EXPH5: variants seen among roughly 807,000 people sequenced by gnomAD.
The protein encoded by EXPH5 is exophilin-5.
In EXPH5, 42 loss-of-function variants were observed where a neutral mutation model predicts 41.1. The ratio of observed to expected loss-of-function variants is 1.02; its 90% confidence interval spans 0.80 to 1.32. The LOEUF (loss-of-function observed/expected upper bound fraction) is 1.32, where lower values mean the gene tolerates loss of function less well. Ranked by LOEUF, EXPH5 falls within the 40% of genes most tolerant of loss-of-function variation. EXPH5 has a pLI of 0.00. For synonymous variants in EXPH5, 798 were observed against 833.5 expected (o/e 0.96, Z 0.73); for missense variants, 2,298 against 2,314.5 (o/e 0.99, Z 0.15).
chr11:108,565,529 G>A (rs574540462), intron 1 of EXPH5, among the ~76,000 whole-genome samples: 4 of 152,072 alleles, frequency 2.6e-5, no homozygotes, highest in Non-Finnish European at 4.4e-5. Flanking sequence ...TAATGTGGCC[G>A]AACCACACAG....
intron 4 of EXPH5, among the ~76,000 whole-genome samples, chr11:108,519,897 G>A (rs2093753650): frequency 7.2e-6 from 1 of 139,460 alleles, no homozygotes; most frequent in Non-Finnish European, 1.5e-5. Context: ...GTTGTAGTGA[G>A]CTAAGATCGT....
chr11:108,561,477 G>A (rs1176530873), intron 1 of EXPH5, among the ~76,000 whole-genome samples: 1 of 152,172 alleles, frequency 6.6e-6, no homozygotes, highest in East Asian at 1.9e-4. Context: ...AGATCTGTCT[G>A]AAAGATGTGG....
chr11:108,605,882 C>T, the EXPH5 span, among the ~76,000 whole-genome samples: 2 of 152,330 alleles, frequency 1.3e-5, no homozygotes, highest in Admixed American at 6.5e-5. Context: ...GCAGCCTCTG[C>T]GCTGGCCTCC....
chr11:108,567,145 C>T (rs1412656611), intron 1 of EXPH5, among the ~76,000 whole-genome samples: 1 of 152,164 alleles, frequency 6.6e-6, no homozygotes, highest in Non-Finnish European at 1.5e-5. Context: ...GGTGAACAGA[C>T]TGCTAAGGAA....
Position 108,514,698 on chromosome 11 carries a change from G to A in EXPH5, c.809C>T (p.Ser270Phe). The change falls in exon 6 of 6, where the codon TCT becomes TTT. Residue 270 changes from serine (S) to phenylalanine (F), a missense_variant. Ser to Phe is a radical substitution (Grantham distance 155). Coordinates refer to ENST00000265843, the MANE Select transcript of EXPH5 (RefSeq NM_015065.3). Reference sequence around the variant, plus strand: ...TCCTGGTCTTAGGATGTCATAGATAGACATATTGGAAGTTTCATTATAGTG... The same window carrying A: ...TCCTGGTCTTAGGATGTCATAGATAAACATATTGGAAGTTTCATTATAGTG... The part of the protein sequence containing the change: ...KKHYNETSNM[S>F]IYDILRPGTP... 6.2e-7 allele frequency: 1 copy of A among 1,605,278 alleles called. No individual in the cohort carries two copies. The highest frequency in any genetic ancestry group is 2.2e-5 in the East Asian group (1 of 44,880).
intron 5 of EXPH5, among the ~76,000 whole-genome samples, chr11:108,517,196 A>C (rs971914269): frequency 1.3e-5 from 2 of 152,136 alleles, no homozygotes; most frequent in African/African-American, 4.8e-5. Context: ...TTTACTCATC[A>C]CTCCTGACAT....
chr11:108,539,450 C>T (rs900029632), intron 2 of EXPH5, among the ~76,000 whole-genome samples: 8 of 152,106 alleles, frequency 5.3e-5, no homozygotes, highest in African/African-American at 1.9e-4. Context: ...TAGAGTGTTC[C>T]TCCTCTCACC....
rs766002172 is a variant in EXPH5 at position 108,514,730 on chromosome 11, G to T, written c.777C>A (p.His259Gln). 2 of 1,609,404 alleles carry T rather than the reference G, an allele frequency of 1.2e-6. No homozygotes were observed. The highest frequency in any genetic ancestry group is 1.1e-5 in the South Asian group (1 of 89,880). ...TGGAAGTTTCATTATAGTGTTTTTT[G>T]TGCCTTTCTGTGATATTACCATGTC... Reference protein sequence around the residue: ...GNRHGNITERHKKHYNETSNM... With the variant: ...GNRHGNITERQKKHYNETSNM... Residue 259 changes from histidine (H) to glutamine (Q), a missense_variant, in exon 6 of 6, where the codon CAC becomes CAA. Transcript: ENST00000265843.
chr11:108,529,911 C>T (rs1179351426), intron 3 of EXPH5, among the ~76,000 whole-genome samples: 1 of 151,734 alleles, frequency 6.6e-6, no homozygotes, highest in East Asian at 1.9e-4. Flanking sequence ...CAGGCCCTTT[C>T]CTCCACTGAC....
chr11:108,579,365 G>A (rs562667747), intron 1 of EXPH5, among the ~76,000 whole-genome samples: 3 of 151,994 alleles, frequency 2.0e-5, no homozygotes, highest in East Asian at 1.9e-4. Context: ...GATGCATCCC[G>A]CCTGATTATA....
intron 4 of EXPH5, among the ~76,000 whole-genome samples, chr11:108,525,191 C>T (rs1256042002): frequency 6.6e-6 from 1 of 152,194 alleles, no homozygotes; most frequent in African/African-American, 2.4e-5. Context: ...CCATTAAGCC[C>T]CTTTTTCTTT....
At chr11:108,555,352 G>C (rs947291653) in intron 1 of EXPH5, among the ~76,000 whole-genome samples, 1 of 152,180 alleles carries the variant, frequency 6.6e-6, no homozygotes, top group Admixed American at 6.5e-5. Flanking sequence ...CTGGATTCTA[G>C]TCTAATTTCA....
At chr11:108,573,202 GAA>G in intron 1 of EXPH5, among the ~76,000 whole-genome samples, 1 of 117,174 alleles carries the variant, frequency 8.5e-6, no homozygotes, top group South Asian at 2.9e-4. Flanking sequence ...GAAAGAAAAA[GAA>G]AGAAAGAAAG....
In EXPH5 at chr11:108,511,324, G is replaced by A. The variant is rs758785641; in HGVS notation, c.4183C>T (p.His1395Tyr). ...RGKKLQSETL[H>Y]TSLMLQRKNV... ...TTTCTCTGAAGCATCAATGAAGTAT[G>A]CAGGGTTTCACTTTGCAACTTTTTG... The change falls in exon 6 of 6, where the codon CAT becomes TAT. Residue 1395 changes from histidine to tyrosine, a missense_variant. Transcript: ENST00000265843. The A allele has an allele frequency of 1.3e-6, 2 of 1,591,980 alleles. No individual in the cohort carries two copies. Among genetic ancestry groups the A allele is most frequent in the Non-Finnish European group, 1.7e-6 (2 of 1,172,086 alleles).
At chr11:108,540,249 G>A (rs1032836596) in intron 2 of EXPH5, among the ~76,000 whole-genome samples, 2 of 152,154 alleles carry the variant, frequency 1.3e-5, no homozygotes, top group Non-Finnish European at 2.9e-5. Context: ...CTTGAACCCG[G>A]GAGGTAGAGG....
chr11:108,546,619 A>G (rs144801918), intron 1 of EXPH5, among the ~76,000 whole-genome samples: 28 of 152,308 alleles, frequency 1.8e-4, no homozygotes, highest in African/African-American at 6.7e-4. Flanking sequence ...AAAACTTAAC[A>G]TTACCAAAAC....
chr11:108,559,492 A>G (rs191300032), intron 1 of EXPH5, among the ~76,000 whole-genome samples: 23 of 152,330 alleles, frequency 1.5e-4, no homozygotes, highest in African/African-American at 5.5e-4. Flanking sequence ...ATCCATAGAC[A>G]GAGTGTATGA....
At chr11:108,582,712 G>A (rs1054644570) in intron 1 of EXPH5, among the ~76,000 whole-genome samples, 29 of 152,190 alleles carry the variant, frequency 1.9e-4, no homozygotes, top group African/African-American at 6.5e-4. Flanking sequence ...GAGGCTGGAG[G>A]TCAAGGTGCT....
At chr11:108,569,381 G>T (rs184536426) in intron 1 of EXPH5, among the ~76,000 whole-genome samples, 1 of 151,960 alleles carries the variant, frequency 6.6e-6, no homozygotes, top group East Asian at 1.9e-4. Flanking sequence ...TCTCTGTCAC[G>T]CAAGCTGGAG....
Sources: gnomAD v4.1 joint callset for allele counts (sites outside exome capture counted in the v4.1 genomes callset) on GRCh38, gnomAD v4.1.1 for gene constraint, MANE v1.5 for transcripts, NCBI Gene and HGNC (gene_info 2026-07-23, HGNC 2026-07-21) for gene names.